TTF1: variants seen among roughly 807,000 people sequenced by gnomAD.
TTF1 encodes the protein transcription termination factor, RNA polymerase I.
TTF1 carries 64 observed loss-of-function variants against 80.2 expected under a neutral mutation model. The ratio of observed to expected loss-of-function variants is 0.80; its 90% CI spans 0.65 to 0.98. The LOEUF is 0.98. Among genes scored for constraint, TTF1 ranks in the 50% least tolerant of loss-of-function variants. The pLI, the probability that TTF1 is intolerant of heterozygous loss-of-function variation, is 0.00. For synonymous variants in TTF1, 372 were observed against 382.7 expected, an observed-to-expected ratio of 0.97 and a Z score of 0.33; for missense variants, 1,023 against 1,086.2, an observed-to-expected ratio of 0.94 and a Z score of 0.82.
In TTF1 at chr9:132,391,491, T is replaced by A. The variant is rs150881784; in HGVS notation, c.1987+585A>T. Among the ~76,000 whole-genome samples, 653 of 152,000 alleles carry A rather than the reference T, an allele frequency of 4.3e-3. 3 individuals are homozygous for A. Among genetic ancestry groups the A allele is most frequent in the East Asian group, 0.026 (134 of 5,180 alleles). ...GAGATTTCCAAAAAAGAAAAAAAGA[T>A]AGCTAGAGTTCACAAAATTAAAAAA... On this transcript the variant is annotated intron_variant, in intron 6 of 10. Coordinates refer to ENST00000334270, the MANE Select transcript of TTF1 (RefSeq NM_007344.4).
intron 5 of TTF1, among the ~76,000 whole-genome samples, chr9:132,394,286 AT>A (rs879769239): frequency 3.7e-4 from 54 of 144,034 alleles, no homozygotes; most frequent in Admixed American, 4.2e-4. Context: ...ATTCTTCACT[AT>A]TTTTTTTTTT....
chr9:132,396,585 G>T, intron 4 of TTF1, 74 bp from the exon 5 acceptor site: 1 of 1,259,276 alleles, frequency 7.9e-7, no homozygotes, highest in Non-Finnish European at 1.2e-6. Context: ...ACCCAGAACA[G>T]CCCTTATAAC....
chr9:132,390,737 T>C lies in TTF1; in HGVS notation c.2082A>G (p.Leu694=). ...CTTGGAGTTTGGAATCCACCTCTTT[T>C]AACTCCTGGGGAGACATCTTCTTCA... ...VILKKMSPQE[L]KEVDSKLQEN... is the part of the protein sequence containing the mutation. Residue 694 remains leucine, a synonymous_variant, in exon 7 of 11, where the codon TTA becomes TTG. Coordinates refer to ENST00000334270, the MANE Select transcript of TTF1 (RefSeq NM_007344.4). 6.2e-7 allele frequency: 1 copy of C among 1,614,244 alleles called. No individual in the cohort carries two copies. The highest frequency in any genetic ancestry group is 8.5e-7 in the Non-Finnish European group (1 of 1,180,042).
Position 132,402,738 on chromosome 9 carries a change from T to G in TTF1, c.84A>C (p.Arg28Ser), listed in dbSNP as rs142155615. ...AAATTTCGTGGGAATGTTTCTGAGG[T>G]CTTTCCTTATGTATAGAACACTTTT... Reference protein sequence around the residue: ...KKKKCSIHKERPQKHSHEIFR... With the variant: ...KKKKCSIHKESPQKHSHEIFR... The change falls in exon 2 of 11, where the codon AGA becomes AGC. Residue 28 changes from arginine (R) to serine (S), a missense_variant. Arg to Ser is a moderately radical substitution (Grantham distance 110). Coordinates refer to ENST00000334270, the MANE Select transcript of TTF1 (RefSeq NM_007344.4). 86 of 1,613,848 alleles carry G rather than the reference T, an allele frequency of 5.3e-5. No homozygotes were observed. In the African/African-American group the frequency reaches 1.1e-3, roughly 20 times the overall value.
chr9:132,400,231 A>C lies in TTF1; in HGVS notation c.1395T>G (p.Asn465Lys), dbSNP rs148256256. The stretch of plus-strand genomic sequence containing the variant: ...TTTCGGAATCTTCAGCTGTTTCCAC[A>C]TTGTGTTCTTCATTTGCAGGTTCTA... ...PRLEPANEEH[N>K]VETAEDSEIR... Residue 465 changes from asparagine to lysine, a missense_variant, in exon 3 of 11, where the codon AAT becomes AAG. Physicochemically the swap from Asn to Lys is moderately conservative, Grantham distance 94. Transcript: ENST00000334270. 1.6e-3 allele frequency: 2,553 copies of C among 1,614,158 alleles called. 51 individuals carry two copies. In the South Asian group the frequency reaches 0.026, roughly 17 times the overall value.
At chr9:132,406,214 C>A (rs1182757809) in intron 1 of TTF1, among the ~76,000 whole-genome samples, 2 of 152,114 alleles carry the variant, frequency 1.3e-5, no homozygotes, top group African/African-American at 4.8e-5. Context: ...CTTTGGGGTG[C>A]GAGAGAGACC....
At chr9:132,381,347 C>T (rs1290166128) in intron 9 of TTF1, among the ~76,000 whole-genome samples, 6 of 152,042 alleles carry the variant, frequency 3.9e-5, no homozygotes, top group East Asian at 1.9e-4. Flanking sequence ...CCTGCTACCA[C>T]GCCCAGCTAA....
At position 132,400,598 on chromosome 9, in the gene TTF1, C is replaced by A. The variant is rs1262994720; in HGVS notation, c.1368-340G>T. ...TTGGCCTCCCAAAGTGCTGGGATTA[C>A]AGGCATGAGCCACCACGCCTGGCCT... is the stretch of plus-strand genomic sequence containing the variant. On this transcript the variant is annotated intron_variant, in intron 2 of 10. Coordinates refer to ENST00000334270, the MANE Select transcript of TTF1 (RefSeq NM_007344.4). 2.0e-5 allele frequency among the ~76,000 whole-genome samples: 3 copies of A among 152,212 alleles called. No individual in the cohort carries two copies. In the East Asian group the frequency reaches 5.8e-4, roughly 29 times the overall value.
intron 9 of TTF1, among the ~76,000 whole-genome samples, chr9:132,383,570 C>G (rs1297347897): frequency 6.6e-6 from 1 of 151,980 alleles, no homozygotes; most frequent in Non-Finnish European, 1.5e-5. Flanking sequence ...AAAGGGGATG[C>G]GGGGTTCTTT....
chr9:132,386,090 A>G (rs1341755614), intron 9 of TTF1, among the ~76,000 whole-genome samples: 1 of 152,176 alleles, frequency 6.6e-6, no homozygotes, highest in Non-Finnish European at 1.5e-5. Flanking sequence ...AGTACCTATA[A>G]TATCACCTCC....
chr9:132,377,652 GGT>G (rs148951093), intron 10 of TTF1, among the ~76,000 whole-genome samples: 1,035 of 8,348 alleles, frequency 0.12, 227 homozygotes, highest in Non-Finnish European at 0.24. Flanking sequence ...GAATGCATGT[GGT>G]GTGTGTGAGT....
chr9:132,392,524 G>A (rs1373149032), intron 5 of TTF1, among the ~76,000 whole-genome samples: 3 of 152,246 alleles, frequency 2.0e-5, no homozygotes, highest in South Asian at 2.1e-4. Flanking sequence ...CTGCATGCTC[G>A]CCAGTGCCGT....
At chr9:132,394,183 G>A (rs1342121284) in intron 5 of TTF1, among the ~76,000 whole-genome samples, 5 of 150,208 alleles carry the variant, frequency 3.3e-5, no homozygotes, top group African/African-American at 4.9e-5. Flanking sequence ...TTACAGGCAT[G>A]AGCCACCGCA....
chr9:132,389,115 T>C (rs1320039214), intron 7 of TTF1, among the ~76,000 whole-genome samples: 3 of 152,068 alleles, frequency 2.0e-5, no homozygotes, highest in Admixed American at 2.0e-4. Context: ...CTACCCTTAA[T>C]GATTACCATG....
intron 4 of TTF1, among the ~76,000 whole-genome samples, chr9:132,397,475 C>T (rs1214713993): frequency 6.6e-6 from 1 of 152,178 alleles, no homozygotes; most frequent in Non-Finnish European, 1.5e-5. Context: ...AGTTACAAAG[C>T]ACACATATGG....
intron 3 of TTF1, among the ~76,000 whole-genome samples, chr9:132,399,215 G>A (rs9411348): frequency 0.01 from 1,365 of 130,156 alleles, 12 homozygotes; most frequent in African/African-American, 0.02. Context: ...AAAAAAAAAA[G>A]AAAAAAAAAA....
intron 8 of TTF1, among the ~76,000 whole-genome samples, chr9:132,387,293 C>T (rs1402433709): frequency 6.6e-6 from 1 of 151,974 alleles, no homozygotes. Context: ...AGTAACCCTC[C>T]CCCCCCAATC....
At position 132,398,160 on chromosome 9, in the gene TTF1, G is replaced by A. The variant is rs939777337; in HGVS notation, c.1758C>T (p.Tyr586=). ...KSVITNLKRR[Y]SFRLHIGRNI... ...ACTTACCAATGTGTAATCTAAACGA[G>A]TATCTCCTTTTTAAGTTGGTGATCA... Residue 586 remains tyrosine (Y), a synonymous_variant, in exon 4 of 11, where the codon TAC becomes TAT. Transcript: ENST00000334270. The A allele has an allele frequency of 1.3e-6, 2 of 1,589,210 alleles. No homozygotes were observed. Among genetic ancestry groups the A allele is most frequent in the Non-Finnish European group, 1.7e-6 (2 of 1,173,006 alleles).
chr9:132,379,160 GA>G lies in TTF1; in HGVS notation c.2379-17del. ...AGGAACATCACTTTAGAAAAGGAAA[GA>G]AAAGATAAAAAGCAAGTTAGTTTAA... On this transcript the variant is annotated splice_polypyrimidine_tract_variant and intron_variant, in intron 9 of 10. Coordinates refer to ENST00000334270, the MANE Select transcript of TTF1 (RefSeq NM_007344.4). 6.3e-7 allele frequency: 1 copy of G among 1,583,040 alleles called. No individual in the cohort carries two copies. The highest frequency in any genetic ancestry group is 8.6e-7 in the Non-Finnish European group (1 of 1,164,886).
Sources: allele counts gnomAD v4.1 joint callset (sites outside exome capture counted in the v4.1 genomes callset), GRCh38; gene constraint gnomAD v4.1.1; transcripts MANE v1.5; gene names NCBI Gene and HGNC (gene_info 2026-07-23, HGNC 2026-07-21).